Variants in AHRR observed in about 807,000 individuals in gnomAD.
AHRR encodes aryl hydrocarbon receptor repressor.
Under a neutral mutation model 44.0 loss-of-function variants are expected in AHRR, and 28 were observed. That is an observed-to-expected ratio of 0.64 (90% CI 0.47 to 0.87). The LOEUF (loss-of-function observed/expected upper bound fraction) is 0.87. Ranked by LOEUF, AHRR falls within the 40% of genes least tolerant of loss-of-function variation. The pLI is 0.00. For missense variants in AHRR, 990 were observed against 953.9 expected (o/e 1.04, Z -0.50); for synonymous variants, 434 against 407.0 (o/e 1.07, Z -0.80).
intron 3 of AHRR, among the ~76,000 whole-genome samples, chr5:356,457 G>A (rs1346466497): frequency 1.3e-5 from 2 of 151,332 alleles, no homozygotes. Context: ...TGCAGTCAGC[G>A]ACTGAGGAAG....
rs1383570334 is a variant in AHRR at position 387,554 on chromosome 5, CG to C, written c.351+10839del. On this transcript the variant is annotated intron_variant, in intron 4 of 10. Coordinates refer to ENST00000684583, the MANE Select transcript of AHRR (RefSeq NM_001377236.1). This position sits in a 1 kb window ranked among gnomAD's most constrained non-coding sequence, Gnocchi z 5.1. ...ACAGGCACACAACAGCCATGCAGCACGTCCCTCCACCTGCCTTTCACCCTGT... is the reference window on the plus strand; with the variant it reads ...ACAGGCACACAACAGCCATGCAGCACTCCCTCCACCTGCCTTTCACCCTGT... Among the ~76,000 whole-genome samples the C allele has an allele frequency of 6.6e-6, 1 of 152,212 alleles. No homozygotes were observed. The highest frequency in any genetic ancestry group is 2.4e-5 in the African/African-American group (1 of 41,448).
chr5:392,336 A>C (rs1298169575), intron 4 of AHRR, among the ~76,000 whole-genome samples: 7 of 81,316 alleles, frequency 8.6e-5, no homozygotes, highest in East Asian at 6.7e-4. Flanking sequence ...CAGGGCGAGG[A>C]GGGCGCAGGG....
At chr5:350,893 C>A (rs2672718) in intron 2 of AHRR, among the ~76,000 whole-genome samples, 19 of 151,918 alleles carry the variant, frequency 1.3e-4, no homozygotes, top group Non-Finnish European at 2.5e-4. Flanking sequence ...AAAGAATCCT[C>A]ACAACTCAAA....
intron 2 of AHRR, among the ~76,000 whole-genome samples, chr5:352,580 T>C (rs1261357355): frequency 1.6e-5 from 2 of 127,826 alleles, no homozygotes; most frequent in Admixed American, 7.8e-5. Flanking sequence ...CTGTAGGGGA[T>C]GGTCACTCTG....
intron 4 of AHRR, among the ~76,000 whole-genome samples, chr5:400,692 A>T (rs983309359): frequency 6.6e-6 from 1 of 152,252 alleles, no homozygotes; most frequent in African/African-American, 2.4e-5. Context: ...ACCAGAAGTC[A>T]ATCTGATATT....
intron 4 of AHRR, among the ~76,000 whole-genome samples, chr5:392,519 G>A (rs928354310): frequency 3.9e-5 from 6 of 152,158 alleles, no homozygotes; most frequent in African/African-American, 4.8e-5. Context: ...GTGCAGACGC[G>A]GCGTCCACAG....
At position 325,962 on chromosome 5, in the gene AHRR, T is replaced by C. The variant is rs559306412; in HGVS notation, c.-11+4143T>C. ...CACGCCTGGCTAATTTTTGTATTTT[T>C]AGTAGAGACGGGGTTTCGCCATGTT... is the stretch of plus-strand genomic sequence containing the variant. On this transcript the variant is annotated intron_variant, in intron 1 of 10. Coordinates refer to ENST00000684583, the MANE Select transcript of AHRR (RefSeq NM_001377236.1). Among the ~76,000 whole-genome samples, 11 of 152,082 alleles carry C rather than the reference T, an allele frequency of 7.2e-5. No homozygotes were observed. In the South Asian group the frequency reaches 2.3e-3, roughly 32 times the overall value.
At chr5:391,569 CGGGGGCA>C (rs1318793617) in intron 4 of AHRR, among the ~76,000 whole-genome samples, 3 of 2,602 alleles carry the variant, frequency 1.2e-3, no homozygotes, top group African/African-American at 6.6e-3. Flanking sequence ...AGAGCGTGCA[CGGGGGCA>C]GGGCGAGGAG....
chr5:360,935 C>A (rs1396182251), intron 3 of AHRR, among the ~76,000 whole-genome samples: 2 of 152,178 alleles, frequency 1.3e-5, no homozygotes, highest in African/African-American at 4.8e-5. Flanking sequence ...TTGGAAAATT[C>A]TCAGCCTATC....
In AHRR at chr5:387,954, C is replaced by T. The variant is rs903320989; in HGVS notation, c.351+11238C>T. ...GAGTGTACTCCACACCCCCTCGCTTCTGGAATGTTCTTCTTGTGAATCTGC... is the reference window on the plus strand; with the variant it reads ...GAGTGTACTCCACACCCCCTCGCTTTTGGAATGTTCTTCTTGTGAATCTGC... On this transcript the variant is annotated intron_variant, in intron 4 of 10. Transcript: ENST00000684583. The surrounding 1 kb of genome is among the most constrained non-coding windows in gnomAD (Gnocchi z 5.1). 1.3e-5 allele frequency among the ~76,000 whole-genome samples: 2 copies of T among 152,218 alleles called. No homozygotes were observed. The highest frequency in any genetic ancestry group is 4.8e-5 in the African/African-American group (2 of 41,454).
Position 366,029 on chromosome 5 carries a change from A to G in AHRR, c.245-10581A>G, listed in dbSNP as rs1351699570. On this transcript the variant is annotated intron_variant, in intron 3 of 10. Transcript: ENST00000684583. ...TCAATATATAAAGAGAGACATGAAT[A>G]TGTACGTAAAATGTGTGTACACTCA... Among the ~76,000 whole-genome samples, 2 of 152,062 alleles carry G rather than the reference A, an allele frequency of 1.3e-5. 1 individual carries two copies. The highest frequency in any genetic ancestry group is 1.3e-4 in the Admixed American group (2 of 15,268).
chr5:352,826 C>T (rs1000198928), intron 2 of AHRR, among the ~76,000 whole-genome samples: 2 of 150,542 alleles, frequency 1.3e-5, no homozygotes, highest in Non-Finnish European at 3.0e-5. Context: ...TTAAATGGGT[C>T]AGCCGTAGGG....
At chr5:397,673 C>A (rs1734794955) in intron 4 of AHRR, among the ~76,000 whole-genome samples, 1 of 134,214 alleles carries the variant, frequency 7.5e-6, no homozygotes, top group Admixed American at 7.2e-5. Context: ...TAGCCCCTGA[C>A]CATCCATGTA....
Position 434,086 on chromosome 5 carries a change from T to C in AHRR, c.1346T>C (p.Ile449Thr). Residue 449 changes from isoleucine (I) to threonine (T), a missense_variant, in exon 11 of 11, where the codon ATC (isoleucine) becomes ACC (threonine). Transcript: ENST00000684583. The part of the protein sequence containing the change: ...CVQGTFRNSP[I>T]SHPPSPSPSA... ...CAGGGCACTTTCAGGAACTCGCCCA[T>C]CTCTCACCCGCCGAGCCCGTCCCCC... 6.2e-7 allele frequency: 1 copy of C among 1,612,676 alleles called. No individual in the cohort carries two copies. Among genetic ancestry groups the C allele is most frequent in the Non-Finnish European group, 8.5e-7 (1 of 1,179,890 alleles).
intron 8 of AHRR, 134 bp from the exon 9 acceptor site, chr5:432,329 A>G (rs188014431): frequency 5.1e-6 from 4 of 782,728 alleles, no homozygotes; most frequent in Admixed American, 2.2e-5. Context: ...AGAGTGAACT[A>G]TTGTTTCTGT....
At chr5:398,389 GTTAGCCCCTGACTGTCCACC>G (rs756411433) in intron 4 of AHRR, among the ~76,000 whole-genome samples, 8,434 of 150,118 alleles carry the variant, frequency 0.056, 284 homozygotes, top group African/African-American at 0.071. Context: ...CGACTGTCTG[GTTAGCCCCTGACTGTCCACC>G]TTAGCCCCTG....
At chr5:350,061 C>G (rs548248813) in intron 2 of AHRR, among the ~76,000 whole-genome samples, 5 of 152,272 alleles carry the variant, frequency 3.3e-5, no homozygotes, top group Admixed American at 2.6e-4. Context: ...TAATGTAGGT[C>G]CCCAGCTGTG....
chr5:416,938 T>C (rs991453751), intron 5 of AHRR, among the ~76,000 whole-genome samples: 13 of 151,268 alleles, frequency 8.6e-5, no homozygotes, highest in South Asian at 2.1e-4. Context: ...TTGGTCTTTA[T>C]GTGCAGGGCC....
chr5:349,298 C>T (rs1359586170), intron 2 of AHRR, among the ~76,000 whole-genome samples: 1 of 152,182 alleles, frequency 6.6e-6, no homozygotes, highest in African/African-American at 2.4e-5. Flanking sequence ...AACCTTTTGG[C>T]TGGGCGCGGT....
Sources: allele counts gnomAD v4.1 joint callset (sites outside exome capture counted in the v4.1 genomes callset), GRCh38; gene constraint gnomAD v4.1.1; non-coding constraint Gnocchi (gnomAD v3.1); transcripts MANE v1.5; gene names NCBI Gene and HGNC (gene_info 2026-07-23, HGNC 2026-07-21).